HPSE2: variants seen among roughly 807,000 people sequenced by gnomAD.
HPSE2 encodes heparanase 2 (inactive), also known as inactive heparanase-2.
HPSE2 carries 38 observed loss-of-function variants against 60.5 expected under a neutral mutation model. The ratio of observed to expected loss-of-function variants is 0.63; its 90% CI spans 0.48 to 0.82. HPSE2 has a LOEUF of 0.82. Among genes scored for constraint, HPSE2 ranks in the 40% least tolerant of loss-of-function variants. The pLI is 0.00. For synonymous variants in HPSE2, 295 were observed against 293.2 expected (o/e 1.01, Z -0.06); for missense variants, 713 against 740.4 (o/e 0.96, Z 0.43).
intron 3 of HPSE2, among the ~76,000 whole-genome samples, chr10:98,829,971 T>C (rs1391594142): frequency 1.3e-5 from 2 of 152,166 alleles, no homozygotes; most frequent in Non-Finnish European, 2.9e-5. Context: ...TATTGACCCA[T>C]CCCATAAGTT....
intron 6 of HPSE2, among the ~76,000 whole-genome samples, chr10:98,677,057 T>C (rs1947663183): frequency 6.6e-6 from 1 of 152,182 alleles, no homozygotes; most frequent in African/African-American, 2.4e-5. Flanking sequence ...TATGGAGTCC[T>C]TACTTCCTCC....
intron 3 of HPSE2, among the ~76,000 whole-genome samples, chr10:98,909,982 C>T (rs1440706940): frequency 6.6e-6 from 1 of 152,136 alleles, no homozygotes; most frequent in Non-Finnish European, 1.5e-5. Context: ...TGCATGATTA[C>T]TTAATACTCA....
chr10:98,902,057 T>C (rs1417874586), intron 3 of HPSE2, among the ~76,000 whole-genome samples: 1 of 152,216 alleles, frequency 6.6e-6, no homozygotes, highest in Non-Finnish European at 1.5e-5. Context: ...TCACAACTCA[T>C]ACTGTCATCC....
At chr10:98,974,136 C>T (rs547415712) in intron 3 of HPSE2, among the ~76,000 whole-genome samples, 1 of 151,832 alleles carries the variant, frequency 6.6e-6, no homozygotes, top group East Asian at 2.0e-4. Flanking sequence ...ACTAAAAATA[C>T]AAAAAATTAG....
intron 5 of HPSE2, among the ~76,000 whole-genome samples, chr10:98,703,872 G>A (rs7067894): frequency 0.19 from 28,581 of 151,950 alleles, 3,230 homozygotes; most frequent in African/African-American, 0.3. Flanking sequence ...CAAGGATGCC[G>A]TCTCTCACCA....
chr10:99,055,300 C>T (rs1316080383), intron 3 of HPSE2, among the ~76,000 whole-genome samples: 1 of 151,982 alleles, frequency 6.6e-6, no homozygotes, highest in African/African-American at 2.4e-5. Context: ...CAACTAAATA[C>T]ACATACAAGG....
rs1203983416 is a variant in HPSE2 at position 98,506,629 on chromosome 10, A to G, written c.1321-16433T>C. Among the ~76,000 whole-genome samples the G allele has an allele frequency of 2.6e-5, 4 of 151,962 alleles. No individual in the cohort carries two copies. In the East Asian group the frequency reaches 5.8e-4, roughly 22 times the overall value. ...GCACCACTATACCCAGCTAACTTTT[A>G]ATTTTTTTTGTAGAGACAGGGTCTT... On this transcript the variant is annotated intron_variant, in intron 9 of 11. Coordinates refer to ENST00000370552, the MANE Select transcript of HPSE2 (RefSeq NM_021828.5).
chr10:99,264,310 A>G, the HPSE2 span, among the ~76,000 whole-genome samples: 5 of 151,714 alleles, frequency 3.3e-5, no homozygotes, highest in Admixed American at 1.3e-4. Context: ...GATGGTTTTG[A>G]TCTCCTGACC....
At chr10:98,590,581 C>T (rs10883146) in intron 9 of HPSE2, among the ~76,000 whole-genome samples, 63,599 of 152,122 alleles carry the variant, frequency 0.42, 16,033 homozygotes, top group Admixed American at 0.53. Flanking sequence ...AGCCATGATG[C>T]GCTTATCTGT....
At chr10:99,216,937 A>G (rs1343714119) in intron 2 of HPSE2, among the ~76,000 whole-genome samples, 1 of 152,188 alleles carries the variant, frequency 6.6e-6, no homozygotes, top group Admixed American at 6.5e-5. Flanking sequence ...CTCAACAAGT[A>G]AAGTTTTACT....
At chr10:98,554,545 T>A (rs1589413819) in intron 9 of HPSE2, among the ~76,000 whole-genome samples, 1 of 152,198 alleles carries the variant, frequency 6.6e-6, no homozygotes, top group African/African-American at 2.4e-5. Context: ...CTCCATCTTG[T>A]CTCAGTATTC....
chr10:99,312,158 G>A, the HPSE2 span, among the ~76,000 whole-genome samples: 3 of 152,226 alleles, frequency 2.0e-5, no homozygotes, highest in African/African-American at 7.2e-5. Context: ...GAAGCAGTAA[G>A]TGCTGGATGT....
At chr10:99,208,972 A>T (rs1848860300) in intron 2 of HPSE2, among the ~76,000 whole-genome samples, 1 of 152,252 alleles carries the variant, frequency 6.6e-6, no homozygotes, top group South Asian at 2.1e-4. Flanking sequence ...ATATCTGTGC[A>T]ACAAACATTG....
intron 3 of HPSE2, among the ~76,000 whole-genome samples, chr10:98,896,687 G>C: frequency 6.6e-6 from 1 of 151,970 alleles, no homozygotes; most frequent in East Asian, 1.9e-4. Context: ...AAGCAACAGG[G>C]AAAAACAATG....
At chr10:98,690,997 T>C (rs1000346412) in intron 6 of HPSE2, among the ~76,000 whole-genome samples, 5 of 152,246 alleles carry the variant, frequency 3.3e-5, no homozygotes, top group Admixed American at 1.3e-4. Flanking sequence ...GCCATCCATA[T>C]GTAGTGACAA....
intron 3 of HPSE2, among the ~76,000 whole-genome samples, chr10:98,774,307 C>T (rs1950297984): frequency 6.6e-6 from 1 of 151,982 alleles, no homozygotes; most frequent in East Asian, 1.9e-4. Context: ...GAGAAAAATT[C>T]CTATTTGCTC....
At chr10:98,706,305 T>C (rs914575978) in intron 5 of HPSE2, among the ~76,000 whole-genome samples, 1 of 152,150 alleles carries the variant, frequency 6.6e-6, no homozygotes, top group Non-Finnish European at 1.5e-5. Flanking sequence ...ACCATATTGA[T>C]TAGAAAAAGG....
chr10:98,915,444 GC>G (rs1332948800), intron 3 of HPSE2, among the ~76,000 whole-genome samples: 1 of 151,938 alleles, frequency 6.6e-6, no homozygotes, highest in East Asian at 1.9e-4. Flanking sequence ...ACCGCGCCCA[GC>G]CCAATTTTCC....
intron 7 of HPSE2, among the ~76,000 whole-genome samples, chr10:98,627,429 G>C (rs1453287129): frequency 6.6e-6 from 1 of 152,200 alleles, no homozygotes; most frequent in East Asian, 1.9e-4. Flanking sequence ...GCCTGCATGA[G>C]AGTCTCTTAA....
Sources: allele counts gnomAD v4.1 joint callset (sites outside exome capture counted in the v4.1 genomes callset), GRCh38; gene constraint gnomAD v4.1.1; transcripts MANE v1.5; gene names NCBI Gene and HGNC (gene_info 2026-07-23, HGNC 2026-07-21).